MAGI2: variants seen among roughly 807,000 people sequenced by gnomAD.
MAGI2 encodes the protein membrane associated guanylate kinase, WW and PDZ domain containing 2, also known as membrane-associated guanylate kinase, WW and PDZ domain-containing protein 2.
Under a neutral mutation model 133.3 loss-of-function variants are expected in MAGI2, and 35 were observed. That is an observed-to-expected ratio of 0.26 (90% CI 0.20 to 0.35). The LOEUF (loss-of-function observed/expected upper bound fraction) is 0.35. Ranked by LOEUF, MAGI2 falls within the 10% of genes least tolerant of loss-of-function variation. The pLI is 1.00. For synonymous variants in MAGI2, 729 were observed against 710.6 expected (o/e 1.03, Z -0.41); for missense variants, 1,636 against 1,863.4 (o/e 0.88, Z 2.25).
chr7:78,999,055 G>C (rs1194404650), intron 2 of MAGI2, among the ~76,000 whole-genome samples: 4 of 151,924 alleles, frequency 2.6e-5, no homozygotes, highest in African/African-American at 7.3e-5. Context: ...TTATTCCTTG[G>C]GCAGCTTCTA....
intron 6 of MAGI2, among the ~76,000 whole-genome samples, chr7:78,378,632 A>G (rs930709848): frequency 3.3e-5 from 5 of 152,038 alleles, no homozygotes; most frequent in Non-Finnish European, 7.4e-5. Context: ...GCCAAATTGT[A>G]CTTCAAGTAT....
At chr7:78,731,779 C>A (rs1413042898) in intron 2 of MAGI2, among the ~76,000 whole-genome samples, 1 of 152,124 alleles carries the variant, frequency 6.6e-6, no homozygotes, top group East Asian at 1.9e-4. Flanking sequence ...TTTCTTTGAG[C>A]CCCTGTATAT....
intron 1 of MAGI2, among the ~76,000 whole-genome samples, chr7:79,221,726 T>A (rs1399785229): frequency 6.6e-6 from 1 of 152,016 alleles, no homozygotes; most frequent in Non-Finnish European, 1.5e-5. Context: ...CACAATGTTT[T>A]ATAAATAGGT....
intron 1 of MAGI2, among the ~76,000 whole-genome samples, chr7:79,368,847 C>CAAAAAAAAAA (rs71095400): frequency 2.7e-5 from 2 of 75,354 alleles, no homozygotes; most frequent in Non-Finnish European, 5.8e-5. Context: ...GACTCCGTCT[C>CAAAAAAAAAA]AAAAAAAAAA....
chr7:78,502,052 G>A (rs1794675404), intron 4 of MAGI2, among the ~76,000 whole-genome samples: 1 of 152,078 alleles, frequency 6.6e-6, no homozygotes, highest in Admixed American at 6.5e-5. Flanking sequence ...CATAATACAG[G>A]TATGGTGAGC....
intron 2 of MAGI2, among the ~76,000 whole-genome samples, chr7:78,808,727 A>G (rs1397207501): frequency 2.6e-5 from 4 of 152,234 alleles, no homozygotes; most frequent in Non-Finnish European, 5.9e-5. Context: ...GTTAAGGAGG[A>G]TTAATTCAAA....
At chr7:78,269,378 T>G (rs1463183440) in intron 9 of MAGI2, among the ~76,000 whole-genome samples, 1 of 152,218 alleles carries the variant, frequency 6.6e-6, no homozygotes, top group Non-Finnish European at 1.5e-5. Flanking sequence ...TCCACAATAG[T>G]TGAACTAATT....
intron 2 of MAGI2, among the ~76,000 whole-genome samples, chr7:78,713,763 G>C (rs1353563): frequency 0.7 from 106,998 of 151,934 alleles, 38,345 homozygotes; most frequent in Middle Eastern, 0.81. Flanking sequence ...TCAGTATATA[G>C]TTTGTATACT....
intron 1 of MAGI2, among the ~76,000 whole-genome samples, chr7:79,247,502 G>T (rs982994385): frequency 2.0e-5 from 3 of 151,950 alleles, no homozygotes; most frequent in Non-Finnish European, 2.9e-5. Context: ...GGTCCCAGCT[G>T]CTTGGGAGAC....
chr7:78,219,213 T>C (rs947861521), intron 10 of MAGI2, among the ~76,000 whole-genome samples: 1 of 152,214 alleles, frequency 6.6e-6, no homozygotes, highest in African/African-American at 2.4e-5. Flanking sequence ...TTTTAGCTTC[T>C]GTCTGCAGGA....
chr7:79,428,267 A>C (rs1847533721), intron 1 of MAGI2, among the ~76,000 whole-genome samples: 1 of 152,196 alleles, frequency 6.6e-6, no homozygotes. Context: ...AAATCTATTA[A>C]CAACAAGCAG....
intron 1 of MAGI2, among the ~76,000 whole-genome samples, chr7:79,129,530 T>C (rs1039417578): frequency 6.6e-6 from 1 of 152,164 alleles, no homozygotes; most frequent in African/African-American, 2.4e-5. Context: ...CACAACAGAG[T>C]AACCTGTCAT....
chr7:78,523,805 G>A (rs1325760907), intron 3 of MAGI2, among the ~76,000 whole-genome samples: 2 of 152,126 alleles, frequency 1.3e-5, no homozygotes, highest in Non-Finnish European at 2.9e-5. Context: ...TGGGGATTAT[G>A]GGGATTACAA....
intron 10 of MAGI2, 171 bp downstream of exon 10, chr7:78,255,772 A>T (rs1792901851): frequency 5.7e-6 from 4 of 701,878 alleles, no homozygotes; most frequent in Non-Finnish European, 9.7e-6. Context: ...CATATTCTGA[A>T]TTCAAAAACA....
At chr7:78,733,442 T>A (rs1241833112) in intron 2 of MAGI2, among the ~76,000 whole-genome samples, 1 of 152,190 alleles carries the variant, frequency 6.6e-6, no homozygotes, top group Non-Finnish European at 1.5e-5. Flanking sequence ...TGTGGACACA[T>A]ACACACTTAG....
At chr7:78,670,496 C>G (rs568805953) in intron 2 of MAGI2, among the ~76,000 whole-genome samples, 3 of 152,220 alleles carry the variant, frequency 2.0e-5, no homozygotes, top group East Asian at 1.9e-4. Flanking sequence ...GCCATACTGC[C>G]CAAGGTAATT....
intron 21 of MAGI2, among the ~76,000 whole-genome samples, chr7:78,038,100 G>A (rs1206925502): frequency 1.3e-5 from 2 of 152,070 alleles, no homozygotes; most frequent in Non-Finnish European, 2.9e-5. Flanking sequence ...ATTTGTGTTC[G>A]CTCTTTTTTT....
At chr7:78,734,578 C>T (rs897958832) in intron 2 of MAGI2, among the ~76,000 whole-genome samples, 1 of 152,174 alleles carries the variant, frequency 6.6e-6, no homozygotes, top group Non-Finnish European at 1.5e-5. Flanking sequence ...CATTTGACCA[C>T]CCTATGTGAC....
At chr7:79,212,712 A>G (rs1450947354) in intron 1 of MAGI2, among the ~76,000 whole-genome samples, 1 of 152,022 alleles carries the variant, frequency 6.6e-6, no homozygotes, top group Non-Finnish European at 1.5e-5. Flanking sequence ...AATAAATCTC[A>G]ACTAATTGCA....
Sources: gnomAD v4.1 joint callset for allele counts (sites outside exome capture counted in the v4.1 genomes callset) on GRCh38, gnomAD v4.1.1 for gene constraint, MANE v1.5 for transcripts, NCBI Gene and HGNC (gene_info 2026-07-23, HGNC 2026-07-21) for gene names.